The following NAV3 variants were observed in gnomAD, a reference collection of about 807,000 sequenced individuals.
NAV3 encodes the protein neuron navigator 3.
A neutral mutation model predicts 244.7 loss-of-function variants in NAV3; 87 were observed. That is an observed-to-expected ratio of 0.36 (90% confidence interval 0.30 to 0.42). The LOEUF is 0.42. Among genes scored for constraint, NAV3 ranks in the 20% least tolerant of loss-of-function variants. NAV3 has a pLI of 1.00. For missense variants in NAV3, 2,663 were observed against 2,893.3 expected (o/e 0.92, Z 1.83); for synonymous variants, 1,126 against 1,042.2 (o/e 1.08, Z -1.55).
chr12:78,179,717 A>C, intron 29 of NAV3, 35 bp downstream of exon 29: 2 of 1,576,526 alleles, frequency 1.3e-6, no homozygotes, highest in Non-Finnish European at 1.7e-6. Context: ...AATAAAATGG[A>C]GAAACAAAAA....
At chr12:77,918,131 T>A (rs919541603) in intron 1 of NAV3, among the ~76,000 whole-genome samples, 3 of 152,044 alleles carry the variant, frequency 2.0e-5, no homozygotes, top group Non-Finnish European at 4.4e-5. Flanking sequence ...TTTCCTTCCA[T>A]ATGGAATGGT....
rs1003876888 is a variant in NAV3 at position 78,198,465 on chromosome 12, C to T, written c.6447-140C>T. ...CTAGTCCAGTGATCTTTGTCATTTTCCATTACAGAATTACCCTTTAAAAGA... is the reference window on the plus strand; with the variant it reads ...CTAGTCCAGTGATCTTTGTCATTTTTCATTACAGAATTACCCTTTAAAAGA... On this transcript the variant is annotated intron_variant, in intron 35 of 39. Coordinates refer to ENST00000397909, the MANE Select transcript of NAV3 (RefSeq NM_001024383.2). The T allele has an allele frequency of 9.4e-5, 45 of 478,688 alleles. No homozygotes were observed. In the East Asian group the frequency reaches 1.6e-3, roughly 17 times the overall value. The allele number at this position is 478,688 out of a possible 1,614,324, so 29.7% of individuals were successfully genotyped here.
intron 17 of NAV3, among the ~76,000 whole-genome samples, chr12:78,127,452 A>G (rs1955962948): frequency 6.6e-6 from 1 of 152,212 alleles, no homozygotes; most frequent in South Asian, 2.1e-4. Flanking sequence ...ACTATTTTGA[A>G]GAAATAATAC....
At chr12:78,132,677 A>G (rs1490644885) in intron 18 of NAV3, among the ~76,000 whole-genome samples, 1 of 152,084 alleles carries the variant, frequency 6.6e-6, no homozygotes, top group Non-Finnish European at 1.5e-5. Context: ...TTTTTCCTGT[A>G]GACTTTTTTT....
At chr12:77,740,132 A>G (rs1868300654) in intron 2 of NAV3, among the ~76,000 whole-genome samples, 1 of 152,210 alleles carries the variant, frequency 6.6e-6, no homozygotes, top group Non-Finnish European at 1.5e-5. Flanking sequence ...AAAGGGTGAA[A>G]GAATGCCACT....
intron 22 of NAV3, among the ~76,000 whole-genome samples, chr12:78,156,954 A>C (rs576273195): frequency 2.7e-4 from 41 of 152,288 alleles, no homozygotes; most frequent in African/African-American, 9.9e-4. Flanking sequence ...ATGCCATTTG[A>C]TTACACTTGG....
At chr12:77,683,927 A>G (rs1874589798) in intron 2 of NAV3, among the ~76,000 whole-genome samples, 1 of 152,108 alleles carries the variant, frequency 6.6e-6, no homozygotes, top group South Asian at 2.1e-4. Context: ...TTTGGGGGAC[A>G]TATGTTTTAT....
At chr12:77,680,456 C>A (rs1363689706) in intron 2 of NAV3, among the ~76,000 whole-genome samples, 2 of 152,282 alleles carry the variant, frequency 1.3e-5, no homozygotes, top group East Asian at 3.9e-4. Flanking sequence ...CAGGAATTCT[C>A]TATTTCTCTG....
intron 2 of NAV3, among the ~76,000 whole-genome samples, chr12:77,686,540 T>C (rs1874761228): frequency 6.6e-6 from 1 of 151,954 alleles, no homozygotes; most frequent in African/African-American, 2.4e-5. Flanking sequence ...ATATTTGACT[T>C]ATCAGACTTC....
intron 1 of NAV3, among the ~76,000 whole-genome samples, chr12:77,935,589 G>C (rs138881238): frequency 0.014 from 2,121 of 152,240 alleles, 28 homozygotes; most frequent in Non-Finnish European, 0.023. Context: ...ATTTAACATA[G>C]TGAAAGTCCA....
At chr12:77,617,330 T>C (rs1277290407) in intron 2 of NAV3, among the ~76,000 whole-genome samples, 4 of 152,170 alleles carry the variant, frequency 2.6e-5, no homozygotes, top group Non-Finnish European at 5.9e-5. Flanking sequence ...GTGTAATGAA[T>C]GGGAAGTTGC....
At chr12:77,889,115 A>G (rs891362759) in intron 1 of NAV3, among the ~76,000 whole-genome samples, 1 of 152,178 alleles carries the variant, frequency 6.6e-6, no homozygotes, top group African/African-American at 2.4e-5. Flanking sequence ...TTGGTCAAAC[A>G]TTATTTTGGG....
At chr12:78,104,290 G>A (rs890328257) in intron 12 of NAV3, among the ~76,000 whole-genome samples, 1 of 152,134 alleles carries the variant, frequency 6.6e-6, no homozygotes, top group Non-Finnish European at 1.5e-5. Context: ...GCCATATGAA[G>A]TGCTATTACA....
chr12:77,973,061 A>G (rs1166020924), intron 5 of NAV3, among the ~76,000 whole-genome samples: 1 of 152,206 alleles, frequency 6.6e-6, no homozygotes, highest in Non-Finnish European at 1.5e-5. Flanking sequence ...TTAGGATGAT[A>G]GTACATGTAA....
chr12:78,208,505 C>T (rs997976980), intron 39 of NAV3, among the ~76,000 whole-genome samples: 3 of 152,084 alleles, frequency 2.0e-5, no homozygotes, highest in Admixed American at 6.6e-5. Flanking sequence ...TGATGTATCA[C>T]GATAATGACT....
chr12:77,915,446 T>C (rs757901865), intron 1 of NAV3, among the ~76,000 whole-genome samples: 3 of 151,984 alleles, frequency 2.0e-5, no homozygotes, highest in Non-Finnish European at 2.9e-5. Context: ...ATAACAGATG[T>C]AGAGATTATC....
intron 1 of NAV3, among the ~76,000 whole-genome samples, chr12:77,832,583 T>C (rs917642585): frequency 1.3e-5 from 2 of 152,208 alleles, no homozygotes; most frequent in Admixed American, 1.3e-4. Context: ...CATATCAGGG[T>C]AAATGGAGTA....
In NAV3 at chr12:77,712,569, T is replaced by C. The variant is rs528958244; in HGVS notation, c.72+140303T>C. 2.0e-5 allele frequency among the ~76,000 whole-genome samples: 3 copies of C among 152,330 alleles called. No individual in the cohort carries two copies. The East Asian group carries it at 5.8e-4, about 29-fold the overall frequency. On this transcript the variant is annotated intron_variant, in intron 2 of 8. Transcript: ENST00000550042. ...TAAGATAAATGTTAGCCTGATATCC[T>C]AACCAGAACATGTTTATAGTGACCA...
intron 15 of NAV3, among the ~76,000 whole-genome samples, chr12:78,120,534 G>A (rs1183183709): frequency 2.0e-5 from 3 of 152,208 alleles, no homozygotes; most frequent in Non-Finnish European, 4.4e-5. Flanking sequence ...CAACTGAAGA[G>A]TGGGCTAAGC....
Sources: allele counts gnomAD v4.1 joint callset (sites outside exome capture counted in the v4.1 genomes callset), GRCh38; gene constraint gnomAD v4.1.1; transcripts MANE v1.5; gene names NCBI Gene and HGNC (gene_info 2026-07-23, HGNC 2026-07-21).